The following CADM2 variants were observed in gnomAD, a reference collection of about 807,000 sequenced individuals.
CADM2 encodes the protein immunoglobulin superfamily member 4D.
In CADM2, 12 loss-of-function variants were observed where a neutral mutation model predicts 49.8. That is an observed-to-expected ratio of 0.24 (90% confidence interval 0.15 to 0.39). The LOEUF is 0.39. Among genes scored for constraint, CADM2 ranks in the 10% least tolerant of loss-of-function variants. The pLI is 1.00. For missense variants in CADM2, 378 were observed against 492.3 expected (o/e 0.77, Z 2.20); for synonymous variants, 214 against 175.4 (o/e 1.22, Z -1.74).
intron 1 of CADM2, among the ~76,000 whole-genome samples, chr3:85,638,666 G>A (rs773129010): frequency 6.6e-6 from 1 of 151,966 alleles, no homozygotes; most frequent in East Asian, 1.9e-4. Flanking sequence ...TTAAAATGCT[G>A]TTGGATGACT....
At chr3:85,292,243 C>T (rs1187074916) in intron 1 of CADM2, among the ~76,000 whole-genome samples, 1 of 149,216 alleles carries the variant, frequency 6.7e-6, no homozygotes, top group African/African-American at 2.6e-5. Context: ...AGCTAACTAT[C>T]CTAAATATAT....
At chr3:85,893,530 A>G (rs943553610) in intron 5 of CADM2, among the ~76,000 whole-genome samples, 1 of 152,228 alleles carries the variant, frequency 6.6e-6, no homozygotes, top group Non-Finnish European at 1.5e-5. Flanking sequence ...TCTGCACAGC[A>G]AAAGAAACTA....
At chr3:86,023,180 G>A (rs182380215) in intron 8 of CADM2, among the ~76,000 whole-genome samples, 121 of 152,176 alleles carry the variant, frequency 8.0e-4, no homozygotes, top group African/African-American at 2.6e-3. Flanking sequence ...AATACTAGCA[G>A]ATATTGAGAA....
At chr3:85,511,276 A>G (rs1250272669) in intron 1 of CADM2, among the ~76,000 whole-genome samples, 1 of 152,070 alleles carries the variant, frequency 6.6e-6, no homozygotes, top group African/African-American at 2.4e-5. Flanking sequence ...ATTTAACTTT[A>G]CCTTCTAATT....
At chr3:85,473,276 T>A (rs2038843269) in intron 1 of CADM2, among the ~76,000 whole-genome samples, 1 of 152,080 alleles carries the variant, frequency 6.6e-6, no homozygotes, top group Non-Finnish European at 1.5e-5. Flanking sequence ...ATAGCAGAAA[T>A]GCATCAATAT....
At chr3:85,773,837 G>A (rs2070223934) in intron 2 of CADM2, among the ~76,000 whole-genome samples, 3 of 151,874 alleles carry the variant, frequency 2.0e-5, no homozygotes, top group African/African-American at 7.3e-5. Flanking sequence ...AAATAAATAT[G>A]TACAAGTGTG....
chr3:85,357,684 G>A (rs562070346), intron 1 of CADM2, among the ~76,000 whole-genome samples: 4 of 150,690 alleles, frequency 2.7e-5, no homozygotes, highest in South Asian at 2.1e-4. Flanking sequence ...TCCCAAGGTC[G>A]CATTCAAGGG....
chr3:85,623,052 CT>C (rs1202966862), intron 1 of CADM2, among the ~76,000 whole-genome samples: 5 of 151,986 alleles, frequency 3.3e-5, no homozygotes, highest in African/African-American at 1.2e-4. Context: ...CTTAAGCCCA[CT>C]GATAAGAATC....
intron 1 of CADM2, among the ~76,000 whole-genome samples, chr3:85,340,454 A>G (rs1333698839): frequency 6.6e-6 from 1 of 151,574 alleles, no homozygotes; most frequent in Non-Finnish European, 1.5e-5. Context: ...GTGTGTGTAC[A>G]TATATATGTG....
At chr3:84,976,881 C>T (rs2031854837) in intron 1 of CADM2, among the ~76,000 whole-genome samples, 1 of 151,846 alleles carries the variant, frequency 6.6e-6, no homozygotes, top group Non-Finnish European at 1.5e-5. Flanking sequence ...AGACTTTTTT[C>T]ATCTTGCCAC....
chr3:85,566,444 A>G (rs754102159), intron 1 of CADM2, among the ~76,000 whole-genome samples: 4 of 152,086 alleles, frequency 2.6e-5, no homozygotes, highest in Non-Finnish European at 5.9e-5. Flanking sequence ...ACATTACTCA[A>G]TTTGTCCAAG....
chr3:86,058,169 G>A (rs1380941217), intron 8 of CADM2, among the ~76,000 whole-genome samples: 1 of 152,052 alleles, frequency 6.6e-6, no homozygotes, highest in African/African-American at 2.4e-5. Flanking sequence ...CTCATGTTAT[G>A]CAAATCTTTC....
intron 1 of CADM2, among the ~76,000 whole-genome samples, chr3:85,374,076 T>G (rs77453536): frequency 6.9e-6 from 1 of 144,972 alleles, no homozygotes; most frequent in East Asian, 2.0e-4. Flanking sequence ...TCAGAAAATG[T>G]TTTTTTTTTC....
At chr3:85,131,638 T>G (rs1416200537) in intron 1 of CADM2, among the ~76,000 whole-genome samples, 1 of 152,214 alleles carries the variant, frequency 6.6e-6, no homozygotes, top group African/African-American at 2.4e-5. Flanking sequence ...ATATTCTCCA[T>G]TTTTAAGGTA....
intron 1 of CADM2, among the ~76,000 whole-genome samples, chr3:85,536,463 TTTTTTC>T (rs2061425510): frequency 1.3e-5 from 2 of 151,970 alleles, no homozygotes; most frequent in East Asian, 3.9e-4. Context: ...ATAGTATTGT[TTTTTTC>T]TTTTTCTTTG....
chr3:85,953,962 T>G (rs1201958796), intron 7 of CADM2, among the ~76,000 whole-genome samples: 2 of 150,928 alleles, frequency 1.3e-5, no homozygotes, highest in African/African-American at 2.4e-5. Flanking sequence ...AAGTTTTGTT[T>G]TTTTCTCATG....
At chr3:85,030,351 A>G (rs1576071379) in intron 1 of CADM2, among the ~76,000 whole-genome samples, 2 of 152,314 alleles carry the variant, frequency 1.3e-5, no homozygotes, top group East Asian at 1.9e-4. Context: ...TCAACCTTCA[A>G]TGCAACCTCA....
chr3:85,979,864 T>C (rs972247725), intron 8 of CADM2, among the ~76,000 whole-genome samples: 10 of 151,644 alleles, frequency 6.6e-5, no homozygotes, highest in African/African-American at 2.2e-4. Context: ...AAAGTAAATA[T>C]CTGTTGTCTC....
At chr3:86,037,699 C>A (rs1330552286) in intron 8 of CADM2, among the ~76,000 whole-genome samples, 1 of 152,072 alleles carries the variant, frequency 6.6e-6, no homozygotes, top group Non-Finnish European at 1.5e-5. Context: ...TAAGAAATTG[C>A]ATTCTTTACT....
Sources: allele counts gnomAD v4.1 joint callset (sites outside exome capture counted in the v4.1 genomes callset), GRCh38; gene constraint gnomAD v4.1.1; transcripts MANE v1.5; gene names NCBI Gene and HGNC (gene_info 2026-07-23, HGNC 2026-07-21).